C3orf20: variants seen among roughly 807,000 people sequenced by gnomAD.
C3orf20 encodes the protein uncharacterized protein C3orf20.
A neutral mutation model predicts 88.3 loss-of-function variants in C3orf20; 76 were observed. The ratio of observed to expected loss-of-function variants is 0.86; its 90% CI spans 0.72 to 1.04. The LOEUF (loss-of-function observed/expected upper bound fraction) is 1.04. Among genes scored for constraint, C3orf20 ranks in the 50% least tolerant of loss-of-function variants. The pLI, the probability that C3orf20 is intolerant of heterozygous loss-of-function variation, is 0.00. For missense variants in C3orf20, 1,056 were observed against 1,123.3 expected, an observed-to-expected ratio of 0.94 and a Z score of 0.86; for synonymous variants, 436 against 437.4, an observed-to-expected ratio of 1.00 and a Z score of 0.04.
At chr3:14,736,093 C>A (rs534599518) in intron 12 of C3orf20, among the ~76,000 whole-genome samples, 48 of 152,146 alleles carry the variant, frequency 3.2e-4, no homozygotes, top group Admixed American at 2.7e-3. Flanking sequence ...TCAAAATATT[C>A]TCTTGTGATA....
chr3:14,703,173 T>C lies in C3orf20; in HGVS notation c.789T>C (p.His263=). 1 of 1,614,154 alleles carries C rather than the reference T, an allele frequency of 6.2e-7. No individual in the cohort carries two copies. Among genetic ancestry groups the C allele is most frequent in the Non-Finnish European group, 8.5e-7 (1 of 1,180,024 alleles). ...AAGATGTCAGCATGCCGCCCCTGCA[T>C]CGAGGAGTGGGAACCCCTGCCAACA... ...TTEDVSMPPL[H]RGVGTPANSL... is the part of the protein sequence containing the mutation. The change falls in exon 6 of 17, where the codon CAT becomes CAC. Residue 263 remains histidine, a synonymous_variant. Transcript: ENST00000253697.
At chr3:14,704,225 G>A in intron 6 of C3orf20, 112 bp from the exon 7 acceptor site, 2 of 1,126,836 alleles carry the variant, frequency 1.8e-6, no homozygotes, top group Non-Finnish European at 2.5e-6. Flanking sequence ...TGTGTACTTT[G>A]GGGACAGGGG....
chr3:14,772,830 G>A lies in C3orf20; in HGVS notation c.2670G>A (p.Arg890=), dbSNP rs761168816. 1.9e-6 allele frequency: 3 copies of A among 1,613,948 alleles called. No homozygotes were observed. The highest frequency in any genetic ancestry group is 1.1e-5 in the South Asian group (1 of 91,092). The change falls in exon 17 of 17, where the codon AGG becomes AGA. Residue 890 remains arginine (R), a synonymous_variant. Coordinates refer to ENST00000253697, the MANE Select transcript of C3orf20 (RefSeq NM_032137.5). The surrounding 1 kb of genome is among the most constrained non-coding windows in gnomAD (Gnocchi z 4.2). ...EPEVELHPLS[R]DSKITSWKKQ... ...AAGTGGAGCTACATCCTCTCAGCAGGGACAGCAAGATAACTAGTTGGAAGA... is the reference window on the plus strand; with the variant it reads ...AAGTGGAGCTACATCCTCTCAGCAGAGACAGCAAGATAACTAGTTGGAAGA...
intron 4 of C3orf20, among the ~76,000 whole-genome samples, chr3:14,686,707 T>C (rs1201736656): frequency 6.6e-6 from 1 of 152,236 alleles, no homozygotes; most frequent in African/African-American, 2.4e-5. Flanking sequence ...TTTTATGTCT[T>C]AAGCTTGGTA....
intron 12 of C3orf20, among the ~76,000 whole-genome samples, chr3:14,736,583 G>A (rs1361099501): frequency 1.4e-5 from 2 of 144,488 alleles, no homozygotes; most frequent in African/African-American, 5.3e-5. Flanking sequence ...GAGCCACTGC[G>A]CCTGGCCTTT....
intron 5 of C3orf20, 115 bp from the exon 6 acceptor site, chr3:14,703,015 A>T: frequency 7.8e-7 from 1 of 1,280,430 alleles, no homozygotes; most frequent in Non-Finnish European, 1.1e-6. Flanking sequence ...GACAAATTTT[A>T]AAGCTCCAAA....
In C3orf20 at chr3:14,710,953, G is replaced by A. The variant is rs530491432; in HGVS notation, c.1161-3054G>A. Among the ~76,000 whole-genome samples, 10 of 151,598 alleles carry A rather than the reference G, an allele frequency of 6.6e-5. No homozygotes were observed. The South Asian group carries it at 2.1e-3, about 32-fold the overall frequency. On this transcript the variant is annotated intron_variant, in intron 7 of 16. Transcript: ENST00000253697. Reference sequence around the variant, plus strand: ...GTGTCACCCAGACTGGGGTGCAGTGGCGCAATCTTGGCTGGCTGCAACCTC... The same window carrying A: ...GTGTCACCCAGACTGGGGTGCAGTGACGCAATCTTGGCTGGCTGCAACCTC...
intron 5 of C3orf20, among the ~76,000 whole-genome samples, chr3:14,700,675 A>G (rs925865627): frequency 2.0e-5 from 3 of 152,240 alleles, no homozygotes; most frequent in Admixed American, 2.0e-4. Flanking sequence ...AATCTTGTTT[A>G]GGAATTAGGC....
chr3:14,744,029 T>C (rs2034990563), intron 12 of C3orf20, among the ~76,000 whole-genome samples: 1 of 152,080 alleles, frequency 6.6e-6, no homozygotes, highest in African/African-American at 2.4e-5. Flanking sequence ...CCTTGCTGCT[T>C]ATGCAAATTT....
intron 9 of C3orf20, among the ~76,000 whole-genome samples, chr3:14,718,942 G>A (rs1432747854): frequency 1.3e-5 from 2 of 152,098 alleles, no homozygotes; most frequent in Non-Finnish European, 2.9e-5. Context: ...TGTGACTATG[G>A]TTGCTCCAGG....
At chr3:14,703,632 C>T (rs1483103347) in intron 6 of C3orf20, among the ~76,000 whole-genome samples, 1 of 152,224 alleles carries the variant, frequency 6.6e-6, no homozygotes, top group Non-Finnish European at 1.5e-5. Flanking sequence ...CCCAGCAATG[C>T]TTTCTGCCTC....
At chr3:14,700,931 G>C (rs992981721) in intron 5 of C3orf20, among the ~76,000 whole-genome samples, 3 of 152,228 alleles carry the variant, frequency 2.0e-5, no homozygotes, top group African/African-American at 7.2e-5. Context: ...TTCAGCATCA[G>C]TTCCAGGAGT....
At chr3:14,742,315 A>C (rs2034925871) in intron 12 of C3orf20, among the ~76,000 whole-genome samples, 2 of 152,208 alleles carry the variant, frequency 1.3e-5, no homozygotes, top group Non-Finnish European at 2.9e-5. Context: ...AGATGGGAAG[A>C]CTGAGGGAAA....
chr3:14,720,260 G>A (rs2034104895), intron 9 of C3orf20, among the ~76,000 whole-genome samples: 1 of 152,172 alleles, frequency 6.6e-6, no homozygotes, highest in African/African-American at 2.4e-5. Context: ...TCGATCTCCT[G>A]ACCTCGTGAT....
Position 14,772,032 on chromosome 3 carries a change from C to T in C3orf20, c.2496-35C>T, listed in dbSNP as rs1433737290. 6.2e-7 allele frequency: 1 copy of T among 1,613,370 alleles called. No homozygotes were observed. The highest frequency in any genetic ancestry group is 8.5e-7 in the Non-Finnish European group (1 of 1,179,604). Reference sequence around the variant, plus strand: ...GGACAGCGTGCAGTGCACCCTGGGCCCTGAGCACTGCCCCCGACCCTGCCT... The same window carrying T: ...GGACAGCGTGCAGTGCACCCTGGGCTCTGAGCACTGCCCCCGACCCTGCCT... On this transcript the variant is annotated intron_variant, in intron 15 of 16. Transcript: ENST00000253697. The surrounding 1 kb of genome is among the most constrained non-coding windows in gnomAD (Gnocchi z 4.2).
chr3:14,766,244 G>T (rs545940386), intron 15 of C3orf20, among the ~76,000 whole-genome samples: 2 of 152,322 alleles, frequency 1.3e-5, no homozygotes, highest in African/African-American at 4.8e-5. Flanking sequence ...TGTGCGGGGC[G>T]CTGGGTCACA....
At chr3:14,688,815 T>A (rs1472626519) in intron 4 of C3orf20, among the ~76,000 whole-genome samples, 4 of 152,044 alleles carry the variant, frequency 2.6e-5, no homozygotes, top group Non-Finnish European at 4.4e-5. Context: ...ATATTTAGAG[T>A]ATTGCAATTT....
intron 5 of C3orf20, among the ~76,000 whole-genome samples, chr3:14,699,028 G>A (rs1034625410): frequency 5.9e-5 from 9 of 152,066 alleles, no homozygotes; most frequent in African/African-American, 1.7e-4. Flanking sequence ...TCCACAGGCA[G>A]AGGAGTCTCA....
At chr3:14,676,316 C>T (rs1390946540) in intron 1 of C3orf20, among the ~76,000 whole-genome samples, 1 of 151,996 alleles carries the variant, frequency 6.6e-6, no homozygotes, top group Non-Finnish European at 1.5e-5. Flanking sequence ...TGCTGGGAAC[C>T]CAGGTTTTAT....
Sources: gnomAD v4.1 joint callset for allele counts (sites outside exome capture counted in the v4.1 genomes callset) on GRCh38, gnomAD v4.1.1 for gene constraint, Gnocchi (gnomAD v3.1) non-coding constraint, MANE v1.5 for transcripts, NCBI Gene and HGNC (gene_info 2026-07-23, HGNC 2026-07-21) for gene names.